Variants in STK3 observed in about 807,000 individuals in gnomAD.
The protein encoded by STK3 is serine/threonine-protein kinase 3.
STK3 carries 41 observed loss-of-function variants against 58.0 expected under a neutral mutation model. That is an observed-to-expected ratio of 0.71 (90% CI 0.55 to 0.92). The LOEUF (loss-of-function observed/expected upper bound fraction) is 0.92, where lower values mean the gene tolerates loss of function less well. Ranked by LOEUF, STK3 falls within the 40% of genes least tolerant of loss-of-function variation. The pLI is 0.00. For synonymous variants in STK3, 170 were observed against 191.0 expected (o/e 0.89, Z 0.91); for missense variants, 479 against 602.7 (o/e 0.79, Z 2.15).
chr8:98,686,845 G>T (rs1824036903), intron 6 of STK3, among the ~76,000 whole-genome samples: 1 of 152,024 alleles, frequency 6.6e-6, no homozygotes, highest in Non-Finnish European at 1.5e-5. Flanking sequence ...AGAGATTGAA[G>T]ATCAGTTCTT....
At chr8:98,904,105 G>A (rs1838791372) in intron 1 of STK3, among the ~76,000 whole-genome samples, 1 of 152,030 alleles carries the variant, frequency 6.6e-6, no homozygotes, top group South Asian at 2.1e-4. Context: ...CACGATCACA[G>A]GTCAGATATA....
chr8:98,844,751 C>A (rs187151071), intron 3 of STK3, among the ~76,000 whole-genome samples: 86 of 152,288 alleles, frequency 5.6e-4, no homozygotes, highest in African/African-American at 1.9e-3. Context: ...AGGTGTGAGC[C>A]ACTGTGCCCG....
chr8:98,358,031 T>C, the STK3 span, among the ~76,000 whole-genome samples: 1 of 151,932 alleles, frequency 6.6e-6, no homozygotes, highest in African/African-American at 2.4e-5. Flanking sequence ...ATTCAGAACA[T>C]CAACAAGCGA....
intron 1 of STK3, among the ~76,000 whole-genome samples, chr8:98,810,976 T>G (rs1190397009): frequency 1.3e-5 from 2 of 152,174 alleles, no homozygotes; most frequent in East Asian, 3.8e-4. Flanking sequence ...ATGAATAAAA[T>G]CTTCCTGAAG....
chr8:98,408,910 CTG>C (rs1159174576), intron 3 of STK3, among the ~76,000 whole-genome samples: 2 of 152,226 alleles, frequency 1.3e-5, no homozygotes, highest in Non-Finnish European at 2.9e-5. Flanking sequence ...TATTATCCAG[CTG>C]TGTCTCCTAC....
chr8:98,639,630 GTTTC>G (rs1323530711), intron 6 of STK3, among the ~76,000 whole-genome samples: 2 of 151,954 alleles, frequency 1.3e-5, no homozygotes, highest in African/African-American at 2.4e-5. Flanking sequence ...CTTACTTTTT[GTTTC>G]TTTATTTGCT....
chr8:98,480,401 A>T (rs1821753371), intron 10 of STK3, among the ~76,000 whole-genome samples: 1 of 152,194 alleles, frequency 6.6e-6, no homozygotes, highest in Non-Finnish European at 1.5e-5. Context: ...ACTTTCTGAG[A>T]TAGGAGAAGC....
Position 98,548,002 on chromosome 8 carries a change from C to A in STK3, c.1108G>T (p.Glu370Ter), listed in dbSNP as rs1365697292. ...SDLGTMVINSEDEEEEDGTMK... is the reference protein window; with the variant it reads ...SDLGTMVINS ...GTTCCATCTTCTTCTTCCTCATCCT[C>A]ACTGTTTATCACCATGGTCCCCAAG... Residue 370 changes from glutamate (E) to a stop codon, truncating the protein, a stop_gained, in exon 9 of 11, where the codon GAG (glutamate) becomes TAG (stop). Coordinates refer to ENST00000419617, the MANE Select transcript of STK3 (RefSeq NM_006281.4). LOFTEE classifies it high-confidence loss of function. 6.2e-7 allele frequency: 1 copy of A among 1,604,442 alleles called. No individual in the cohort carries two copies. Among genetic ancestry groups the A allele is most frequent in the Non-Finnish European group, 8.5e-7 (1 of 1,176,292 alleles).
intron 10 of STK3, among the ~76,000 whole-genome samples, chr8:98,505,026 C>G (rs930771969): frequency 6.6e-6 from 1 of 152,214 alleles, no homozygotes; most frequent in African/African-American, 2.4e-5. Flanking sequence ...TTCAGGCACA[C>G]CAATCAAATG....
At position 98,425,314 on chromosome 8, in the gene STK3, G is replaced by A. The variant is rs183014800; in HGVS notation, n.483+8813C>T. ...GATAACCAAGATCAGATTTTTCTCC[G>A]TCTCTCCCTCTCAGACACACACACA... On this transcript the variant is annotated intron_variant and non_coding_transcript_variant, in intron 3 of 3. Coordinates refer to the STK3 transcript ENST00000517832. Among the ~76,000 whole-genome samples, 64 of 123,484 alleles carry A rather than the reference G, an allele frequency of 5.2e-4. 1 individual carries two copies. In the East Asian group the frequency reaches 0.012, roughly 23 times the overall value. The allele number at this position is 123,484 out of a possible 152,430, so 81.0% of individuals were successfully genotyped here.
At chr8:98,787,186 A>C (rs1407382371) in intron 1 of STK3, among the ~76,000 whole-genome samples, 1 of 149,932 alleles carries the variant, frequency 6.7e-6, no homozygotes, top group East Asian at 1.9e-4. Flanking sequence ...AAAAAAAAAA[A>C]AAAAAAAACA....
intron 4 of STK3, among the ~76,000 whole-genome samples, chr8:98,745,394 A>G (rs994413395): frequency 1.2e-4 from 19 of 152,306 alleles, no homozygotes; most frequent in African/African-American, 3.6e-4. Flanking sequence ...AGAACTGCTA[A>G]TAACAAAACT....
intron 3 of STK3, among the ~76,000 whole-genome samples, chr8:98,765,382 G>C (rs1239311655): frequency 6.6e-6 from 1 of 152,094 alleles, no homozygotes; most frequent in East Asian, 1.9e-4. Flanking sequence ...AAGCAGCAAA[G>C]TTCCTCTAGG....
chr8:98,908,182 G>A (rs1027975779), intron 1 of STK3, among the ~76,000 whole-genome samples: 1 of 152,160 alleles, frequency 6.6e-6, no homozygotes, highest in African/African-American at 2.4e-5. Context: ...GGTGCAAAAT[G>A]GTGATACTCT....
At chr8:98,486,700 A>C (rs1046116162) in intron 10 of STK3, among the ~76,000 whole-genome samples, 5 of 152,340 alleles carry the variant, frequency 3.3e-5, no homozygotes, top group Admixed American at 2.0e-4. Flanking sequence ...AATGAATTTT[A>C]GGCAAATAAC....
intron 10 of STK3, among the ~76,000 whole-genome samples, chr8:98,479,271 G>T (rs2131269286): frequency 6.6e-6 from 1 of 152,236 alleles, no homozygotes; most frequent in Non-Finnish European, 1.5e-5. Context: ...GGCGGATCAT[G>T]AGGTCAGGAG....
At chr8:98,761,022 C>T (rs970292541) in intron 3 of STK3, among the ~76,000 whole-genome samples, 1 of 152,062 alleles carries the variant, frequency 6.6e-6, no homozygotes, top group African/African-American at 2.4e-5. Flanking sequence ...CTATTCATAA[C>T]ACCCAAAATA....
chr8:98,677,364 AC>A (rs1446691235), intron 6 of STK3, among the ~76,000 whole-genome samples: 1 of 57,048 alleles, frequency 1.8e-5, no homozygotes, highest in Non-Finnish European at 3.5e-5. Context: ...CACCCAACTT[AC>A]TCCTCTTCTT....
intron 1 of STK3, among the ~76,000 whole-genome samples, chr8:98,886,138 G>A (rs1837981808): frequency 1.3e-5 from 2 of 152,080 alleles, no homozygotes; most frequent in Admixed American, 1.3e-4. Flanking sequence ...TTGTGGTGGT[G>A]GTTACCCATG....
Sources: allele counts gnomAD v4.1 joint callset (sites outside exome capture counted in the v4.1 genomes callset), GRCh38; gene constraint gnomAD v4.1.1; transcripts MANE v1.5; gene names NCBI Gene and HGNC (gene_info 2026-07-23, HGNC 2026-07-21).